RBFOX1: variants seen among roughly 807,000 people sequenced by gnomAD.
RBFOX1 encodes the protein RNA binding protein fox-1 homolog 1.
A neutral mutation model predicts 57.7 loss-of-function variants in RBFOX1; 8 were observed. The observed-to-expected ratio is 0.14, with a 90% CI of 0.08 to 0.25. RBFOX1 has a LOEUF of 0.25. Among genes scored for constraint, RBFOX1 ranks in the 10% least tolerant of loss-of-function variants. RBFOX1 has a pLI of 1.00. For missense variants in RBFOX1, 611 were observed against 548.5 expected (o/e 1.11, Z -1.14); for synonymous variants, 326 against 222.4 (o/e 1.47, Z -4.15).
Position 6,365,331 on chromosome 16 carries a change from G to A in RBFOX1, c.-64+48274G>A, listed in dbSNP as rs141894012. ...GGATGTTTGGATGGGTGGATGGGTG[G>A]GTGGATGGATGGATGGATGGATGGA... On this transcript the variant is annotated intron_variant, in intron 2 of 15. Transcript: ENST00000550418. Among the ~76,000 whole-genome samples the A allele has an allele frequency of 3.9e-3, 589 of 150,776 alleles. 6 individuals are homozygous for A. Among genetic ancestry groups the A allele is most frequent in the African/African-American group, 0.014 (557 of 40,738 alleles).
intron 3 of RBFOX1, among the ~76,000 whole-genome samples, chr16:6,808,567 A>C (rs1456690664): frequency 6.6e-6 from 1 of 152,110 alleles, no homozygotes; most frequent in Non-Finnish European, 1.5e-5. Context: ...TCTGATGGGG[A>C]ATAACTGCCA....
chr16:6,932,144 C>G (rs957718582), intron 3 of RBFOX1, among the ~76,000 whole-genome samples: 1 of 152,172 alleles, frequency 6.6e-6, no homozygotes, highest in Non-Finnish European at 1.5e-5. Flanking sequence ...CCATCTGTCA[C>G]CCAGCCTGGA....
intron 3 of RBFOX1, among the ~76,000 whole-genome samples, chr16:6,842,808 C>T (rs778232303): frequency 1.1e-4 from 16 of 151,982 alleles, no homozygotes; most frequent in Non-Finnish European, 2.1e-4. Flanking sequence ...TGTCCTAATG[C>T]TCTCCCTCCA....
chr16:6,507,875 A>C (rs917897651), intron 2 of RBFOX1, among the ~76,000 whole-genome samples: 4 of 152,152 alleles, frequency 2.6e-5, no homozygotes, highest in African/African-American at 9.7e-5. Context: ...TCAGATTTGC[A>C]AGATAAAGAG....
At chr16:5,282,079 G>T (rs2063285933) in intron 1 of RBFOX1, among the ~76,000 whole-genome samples, 1 of 152,174 alleles carries the variant, frequency 6.6e-6, no homozygotes, top group Non-Finnish European at 1.5e-5. Flanking sequence ...AATTGTGGCG[G>T]CAGGTCTTTA....
At chr16:5,400,194 C>T (rs935455092) in intron 1 of RBFOX1, among the ~76,000 whole-genome samples, 7 of 151,854 alleles carry the variant, frequency 4.6e-5, no homozygotes, top group Non-Finnish European at 7.4e-5. Flanking sequence ...CGGGTTCAAG[C>T]GATTCTGCTG....
intron 4 of RBFOX1, among the ~76,000 whole-genome samples, chr16:7,143,070 T>A (rs544571631): frequency 6.6e-6 from 1 of 152,188 alleles, no homozygotes; most frequent in African/African-American, 2.4e-5. Flanking sequence ...GTGTCCTTCA[T>A]ATTTTTTCCT....
At chr16:7,217,008 C>CG (rs2092164827) in intron 4 of RBFOX1, among the ~76,000 whole-genome samples, 1 of 55,802 alleles carries the variant, frequency 1.8e-5, no homozygotes, top group Admixed American at 1.9e-4. Flanking sequence ...CCCTCCCTCC[C>CG]TTCCCTCCCT....
rs150809225 is a variant in RBFOX1 at position 5,768,718 on chromosome 16, C to T, written c.319-98585C>T. 8.9e-3 allele frequency among the ~76,000 whole-genome samples: 1,357 copies of T among 152,246 alleles called. 6 individuals are homozygous for T. Among genetic ancestry groups the T allele is most frequent in the Middle Eastern group, 0.014 (4 of 294 alleles). On this transcript the variant is annotated intron_variant, in intron 3 of 19. Coordinates refer to the RBFOX1 transcript ENST00000641259. ...ATTCTGAGCCCAGCCCACGTAGGTG[C>T]TGTTGAAACAGGAGGTCAGGCCAGC...
At chr16:6,546,519 G>A (rs1443975681) in intron 2 of RBFOX1, among the ~76,000 whole-genome samples, 1 of 152,160 alleles carries the variant, frequency 6.6e-6, no homozygotes, top group African/African-American at 2.4e-5. Context: ...GTGATTGGCA[G>A]CTCCATAGCA....
At chr16:6,746,576 G>C (rs1432715876) in intron 3 of RBFOX1, among the ~76,000 whole-genome samples, 1 of 152,096 alleles carries the variant, frequency 6.6e-6, no homozygotes, top group East Asian at 1.9e-4. Context: ...TACCTGGGAG[G>C]CTGAACTGGG....
At chr16:7,253,528 G>A (rs2094566082) in intron 4 of RBFOX1, among the ~76,000 whole-genome samples, 2 of 151,968 alleles carry the variant, frequency 1.3e-5, no homozygotes, top group Admixed American at 1.3e-4. Flanking sequence ...CTAACCATCT[G>A]CAAAACATTA....
At chr16:5,380,317 G>A (rs1429824806) in intron 1 of RBFOX1, among the ~76,000 whole-genome samples, 5 of 152,184 alleles carry the variant, frequency 3.3e-5, no homozygotes, top group African/African-American at 4.8e-5. Flanking sequence ...ATCTATCATT[G>A]TGCCTCTGTC....
At chr16:5,599,365 T>G (rs1042417274) in exon 3 of RBFOX1, 28 of 605,062 alleles carry the variant, frequency 4.6e-5, no homozygotes, top group Non-Finnish European at 8.2e-5. Context: ...GAATGCTTAC[T>G]GAGTGCTCTG....
At chr16:7,177,266 G>A (rs952781108) in intron 4 of RBFOX1, among the ~76,000 whole-genome samples, 8 of 152,124 alleles carry the variant, frequency 5.3e-5, no homozygotes. Flanking sequence ...CCATGGATAA[G>A]ACCAAGTTCA....
chr16:5,660,279 C>T (rs113265885), intron 3 of RBFOX1, among the ~76,000 whole-genome samples: 1 of 152,144 alleles, frequency 6.6e-6, no homozygotes, highest in East Asian at 1.9e-4. Context: ...TTGGTGCAAA[C>T]CCTAGATCCC....
At chr16:7,377,940 G>C (rs554212730) in intron 4 of RBFOX1, among the ~76,000 whole-genome samples, 1 of 152,016 alleles carries the variant, frequency 6.6e-6, no homozygotes, top group South Asian at 2.1e-4. Context: ...TGTTTTAGCT[G>C]GGACAGGAAA....
chr16:7,307,515 T>A (rs547593235), intron 4 of RBFOX1, among the ~76,000 whole-genome samples: 1 of 152,356 alleles, frequency 6.6e-6, no homozygotes, highest in South Asian at 2.1e-4. Context: ...ATTTGACTTA[T>A]CCTGTTTCAC....
intron 2 of RBFOX1, among the ~76,000 whole-genome samples, chr16:6,470,176 G>C (rs2095141666): frequency 6.6e-6 from 1 of 152,160 alleles, no homozygotes; most frequent in Admixed American, 6.5e-5. Flanking sequence ...CCTGCATCCA[G>C]GTAGGGCTGG....
Sources: gnomAD v4.1 joint callset for allele counts (sites outside exome capture counted in the v4.1 genomes callset) on GRCh38, gnomAD v4.1.1 for gene constraint, MANE v1.5 for transcripts, NCBI Gene and HGNC (gene_info 2026-07-23, HGNC 2026-07-21) for gene names.